Variants in FAM135A observed in about 807,000 individuals in gnomAD.
The protein encoded by FAM135A is protein FAM135A.
FAM135A carries 79 observed loss-of-function variants against 146.8 expected under a neutral mutation model. That is an observed-to-expected ratio of 0.54 (90% confidence interval 0.45 to 0.65). The LOEUF is 0.65. Ranked by LOEUF, FAM135A falls within the 30% of genes least tolerant of loss-of-function variation. FAM135A has a pLI of 0.00. For missense variants in FAM135A, 1,623 were observed against 1,758.2 expected, an observed-to-expected ratio of 0.92 and a Z score of 1.38; for synonymous variants, 562 against 603.6, an observed-to-expected ratio of 0.93 and a Z score of 1.01.
intron 4 of FAM135A, among the ~76,000 whole-genome samples, chr6:70,431,085 C>G (rs1771476712): frequency 6.6e-6 from 1 of 152,082 alleles, no homozygotes; most frequent in African/African-American, 2.4e-5. Flanking sequence ...ATTTTTCCAC[C>G]ATTTGTAGCT....
At chr6:70,445,705 G>C (rs1399167408) in intron 4 of FAM135A, among the ~76,000 whole-genome samples, 1 of 152,152 alleles carries the variant, frequency 6.6e-6, no homozygotes. Flanking sequence ...TTCCACCCTG[G>C]GTGGGCCAGG....
At position 70,452,543 on chromosome 6, in the gene FAM135A, A is replaced by G. The variant is rs1190774628; in HGVS notation, c.129A>G (p.Arg43=). 1 of 1,595,532 alleles carries G rather than the reference A, an allele frequency of 6.3e-7. No individual in the cohort carries two copies. Among genetic ancestry groups the G allele is most frequent in the Non-Finnish European group, 8.5e-7 (1 of 1,174,928 alleles). Residue 43 remains arginine, a synonymous_variant, in exon 5 of 22, where the codon AGA becomes AGG. Coordinates refer to ENST00000418814, the MANE Select transcript of FAM135A (RefSeq NM_001162529.3). ...AAATTCCATCAAGAATTCCCCACAGAGTAGAAGCTAGTTTGTTGCATGCAA... is the reference window on the plus strand; with the variant it reads ...AAATTCCATCAAGAATTCCCCACAGGGTAGAAGCTAGTTTGTTGCATGCAA... ...SMKIPSRIPH[R]VEASLLHATG...
intron 16 of FAM135A, among the ~76,000 whole-genome samples, chr6:70,531,319 G>T (rs1795762691): frequency 6.6e-6 from 1 of 152,134 alleles, no homozygotes; most frequent in African/African-American, 2.4e-5. Context: ...TCTACCTCTT[G>T]GTAGCTATTG....
intron 4 of FAM135A, among the ~76,000 whole-genome samples, chr6:70,440,191 C>T (rs923307292): frequency 6.6e-5 from 10 of 152,128 alleles, no homozygotes; most frequent in African/African-American, 2.4e-4. Context: ...GTTTTTGAGA[C>T]GAATCCTCAA....
chr6:70,423,613 A>T (rs1041230115), intron 2 of FAM135A, among the ~76,000 whole-genome samples: 5 of 152,224 alleles, frequency 3.3e-5, no homozygotes, highest in Non-Finnish European at 4.4e-5. Flanking sequence ...AGTGAAGCAG[A>T]TATTACATGT....
intron 11 of FAM135A, among the ~76,000 whole-genome samples, chr6:70,502,350 C>G (rs1788747986): frequency 6.6e-6 from 1 of 152,100 alleles, no homozygotes; most frequent in Admixed American, 6.6e-5. Context: ...CTATAGCATC[C>G]TAATTTGTAA....
chr6:70,500,609 C>T (rs1031382122), intron 11 of FAM135A, among the ~76,000 whole-genome samples: 1 of 152,210 alleles, frequency 6.6e-6, no homozygotes, highest in African/African-American at 2.4e-5. Flanking sequence ...TCCTCATCTT[C>T]ATGGATTTAT....
intron 21 of FAM135A, among the ~76,000 whole-genome samples, chr6:70,559,039 A>C (rs1200312018): frequency 6.6e-6 from 1 of 152,256 alleles, no homozygotes; most frequent in African/African-American, 2.4e-5. Context: ...TGCCTTATCA[A>C]AATGTCTCAC....
At chr6:70,436,213 T>TG (rs1348670773) in intron 4 of FAM135A, among the ~76,000 whole-genome samples, 5 of 151,592 alleles carry the variant, frequency 3.3e-5, no homozygotes, top group African/African-American at 1.2e-4. Context: ...GTTCAGGAAT[T>TG]GAGGACTTCT....
chr6:70,466,693 G>A (rs1780536501), intron 5 of FAM135A, among the ~76,000 whole-genome samples: 2 of 152,216 alleles, frequency 1.3e-5, no homozygotes, highest in African/African-American at 4.8e-5. Flanking sequence ...ACTTAACATT[G>A]CCCTCCTCCA....
intron 4 of FAM135A, among the ~76,000 whole-genome samples, chr6:70,431,906 T>C (rs2127806168): frequency 6.6e-6 from 1 of 152,090 alleles, no homozygotes; most frequent in Non-Finnish European, 1.5e-5. Flanking sequence ...ATATAAAATA[T>C]ATCATTATAA....
At position 70,525,990 on chromosome 6, in the gene FAM135A, C is replaced by T; in HGVS notation, c.2906C>T (p.Ser969Leu). The T allele has an allele frequency of 6.2e-7, 1 of 1,612,858 alleles. No individual in the cohort carries two copies. The highest frequency in any genetic ancestry group is 8.5e-7 in the Non-Finnish European group (1 of 1,179,484). Residue 969 changes from serine (S) to leucine (L), a missense_variant, in exon 15 of 22, where the codon TCA becomes TTA. Ser to Leu is a moderately radical substitution (Grantham distance 145, BLOSUM62 -2). Coordinates refer to ENST00000418814, the MANE Select transcript of FAM135A (RefSeq NM_001162529.3). ...ACAGGGACAGCAATTACATTAAATT[C>T]AAAACTGATTTGTTTAGGCACTCCT... is the stretch of plus-strand genomic sequence containing the variant. ...NSTGTAITLN[S>L]KLICLGTPCV...
intron 13 of FAM135A, among the ~76,000 whole-genome samples, chr6:70,523,417 T>G (rs1217989910): frequency 6.6e-6 from 1 of 152,178 alleles, no homozygotes; most frequent in East Asian, 1.9e-4. Context: ...GGTATGTATA[T>G]GGGGTATTTT....
intron 20 of FAM135A, among the ~76,000 whole-genome samples, chr6:70,545,333 C>A (rs945730491): frequency 2.0e-5 from 3 of 152,112 alleles, no homozygotes; most frequent in Non-Finnish European, 4.4e-5. Flanking sequence ...TATTTTCTGG[C>A]TGGGCACGGT....
rs1384605274 is a variant in FAM135A at position 70,491,074 on chromosome 6, A to G, written c.864A>G (p.Glu288=). 1 of 1,603,694 alleles carries G rather than the reference A, an allele frequency of 6.2e-7. No homozygotes were observed. Among genetic ancestry groups the G allele is most frequent in the South Asian group, 1.1e-5 (1 of 89,278 alleles). The change falls in exon 11 of 22, where the codon GAA becomes GAG. Residue 288 remains glutamate (E), a synonymous_variant. Transcript: ENST00000418814. The stretch of plus-strand genomic sequence containing the variant: ...AAGCTCGACTTACTGAACTATGTGA[A>G]GAAGTTAAGGTACTTGGATTTTTTA... The part of the protein sequence containing the change: ...DVEARLTELC[E]EVKKIENPDE...
chr6:70,541,281 G>A (rs1797870082), intron 20 of FAM135A, among the ~76,000 whole-genome samples: 1 of 151,976 alleles, frequency 6.6e-6, no homozygotes. Context: ...GGGGGGTAGG[G>A]TTGAACCTTT....
intron 19 of FAM135A, among the ~76,000 whole-genome samples, chr6:70,537,787 T>C (rs555851140): frequency 1.3e-4 from 20 of 152,252 alleles, no homozygotes; most frequent in African/African-American, 4.8e-4. Flanking sequence ...TATAAAAAAA[T>C]AATTAATATA....
intron 4 of FAM135A, among the ~76,000 whole-genome samples, chr6:70,451,198 G>A (rs938481124): frequency 2.6e-5 from 4 of 152,062 alleles, no homozygotes; most frequent in Non-Finnish European, 5.9e-5. Flanking sequence ...AACACATATT[G>A]AACACTTAAC....
chr6:70,546,453 C>T (rs1043211627), intron 20 of FAM135A, among the ~76,000 whole-genome samples: 2 of 152,124 alleles, frequency 1.3e-5, no homozygotes, highest in African/African-American at 4.8e-5. Flanking sequence ...TAAGCAAAGC[C>T]TCTTCTGTGG....
Sources: allele counts gnomAD v4.1 joint callset (sites outside exome capture counted in the v4.1 genomes callset), GRCh38; gene constraint gnomAD v4.1.1; transcripts MANE v1.5; gene names NCBI Gene and HGNC (gene_info 2026-07-23, HGNC 2026-07-21).